USP29: variants seen among roughly 807,000 people sequenced by gnomAD.
USP29 encodes the protein ubiquitin specific peptidase 29.
For missense variants in USP29, 1,102 were observed against 1,069.0 expected, an observed-to-expected ratio of 1.03 and a Z score of -0.43; for synonymous variants, 386 against 387.4, an observed-to-expected ratio of 1.00 and a Z score of 0.04.
chr19:57,126,018 AT>A (rs1219121068), intron 3 of USP29, among the ~76,000 whole-genome samples: 8 of 152,242 alleles, frequency 5.3e-5, no homozygotes, highest in African/African-American at 1.9e-4. Context: ...TTCTTCGCTT[AT>A]GAAGCTTAGT....
At chr19:57,119,412 C>T (rs2086780895), upstream of USP29, among the ~76,000 whole-genome samples, 2 of 152,038 alleles carry the variant, frequency 1.3e-5, no homozygotes, top group Admixed American at 1.3e-4. Context: ...GGAGGATGAC[C>T]GCTTTTTTGG....
In USP29 at chr19:57,130,610, T is replaced by G; in HGVS notation, c.1935T>G (p.Leu645=). ...FRDRAIGEKE[L]PVADSLMDQG... The stretch of plus-strand genomic sequence containing the variant: ...ATAGGGCAATCGGTGAAAAGGAGCT[T>G]CCAGTGGCTGACTCACTGATGGACC... Residue 645 remains leucine, a synonymous_variant, in exon 4 of 4, where the codon CTT becomes CTG. Transcript: ENST00000254181. 6.2e-7 allele frequency: 1 copy of G among 1,614,124 alleles called. No individual in the cohort carries two copies. The highest frequency in any genetic ancestry group is 8.5e-7 in the Non-Finnish European group (1 of 1,180,024).
chr19:57,119,797 G>C (rs1329091876), upstream of USP29, among the ~76,000 whole-genome samples: 1 of 152,104 alleles, frequency 6.6e-6, no homozygotes, highest in Admixed American at 6.5e-5. Flanking sequence ...CTCGCTTGAG[G>C]CTGAATGGGT....
chr19:57,129,667 C>G lies in USP29; in HGVS notation c.992C>G (p.Thr331Ser). The change falls in exon 4 of 4, where the codon ACC (threonine) becomes AGC (serine). Residue 331 changes from threonine to serine, a missense_variant. By Grantham distance (58) the Thr-to-Ser change is moderately conservative. Transcript: ENST00000254181. ...EYIPFEALIM[T>S]LTQLLALKDF... ...ATTCCCTTTGAGGCTCTTATTATGA[C>G]CTTGACCCAGCTGCTTGCTTTGAAA... is the stretch of plus-strand genomic sequence containing the variant. 1 of 1,614,150 alleles carries G rather than the reference C, an allele frequency of 6.2e-7. No individual in the cohort carries two copies. The highest frequency in any genetic ancestry group is 8.5e-7 in the Non-Finnish European group (1 of 1,180,044).
chr19:57,125,709 C>A (rs1172188780), intron 3 of USP29, among the ~76,000 whole-genome samples: 1 of 151,804 alleles, frequency 6.6e-6, no homozygotes, highest in African/African-American at 2.4e-5. Context: ...GGTCTTGACT[C>A]TTTATCCAAT....
At chr19:57,125,232 A>G (rs553085655) in intron 3 of USP29, among the ~76,000 whole-genome samples, 11 of 152,174 alleles carry the variant, frequency 7.2e-5, no homozygotes, top group Non-Finnish European at 1.2e-4. Flanking sequence ...CTGTGGTCTG[A>G]GAGCTTGTTT....
chr19:57,130,485 C>T lies in USP29; in HGVS notation c.1810C>T (p.Gln604Ter), dbSNP rs555637136. Residue 604 changes from glutamine to a stop codon, truncating the protein, a stop_gained, in exon 4 of 4, where the codon CAA becomes TAA. Transcript: ENST00000254181. LOFTEE classifies it low-confidence loss of function (END_TRUNC). ...TGAACCAGACAAGAATGCCGACCTA[C>T]AAAGATTCCAGAGAGACTGTGGAGA... ...PVEPDKNADL[Q>*]RFQRDCGDAS... The T allele has an allele frequency of 1.2e-6, 2 of 1,614,148 alleles. No individual in the cohort carries two copies. Among genetic ancestry groups the T allele is most frequent in the East Asian group, 4.5e-5 (2 of 44,878 alleles).
At chr19:57,120,785 T>A in intron 1 of USP29, among the ~76,000 whole-genome samples, 1 of 13,216 alleles carries the variant, frequency 7.6e-5, no homozygotes, top group African/African-American at 2.6e-4. Context: ...AGAGACTCCG[T>A]CTCAAAAAAA....
At chr19:57,127,567 T>A (rs1046275618) in intron 3 of USP29, among the ~76,000 whole-genome samples, 5 of 152,110 alleles carry the variant, frequency 3.3e-5, no homozygotes, top group African/African-American at 1.2e-4. Flanking sequence ...CCTCCCACCC[T>A]CCTTAGCACT....
rs1340402970 is a variant in USP29, at chr19:57,131,169, A to G, written c.2494A>G (p.Ile832Val). 1.2e-6 allele frequency: 2 copies of G among 1,614,130 alleles called. No individual in the cohort carries two copies. The highest frequency in any genetic ancestry group is 1.3e-5 in the African/African-American group (1 of 74,948). Residue 832 changes from isoleucine (I) to valine (V), a missense_variant, in exon 4 of 4, where the codon ATC becomes GTC. Transcript: ENST00000254181. ...AYRLISVVSH[I>V]GSSPNSGHYI... ...CAGACTCATCAGTGTTGTCAGCCAT[A>G]TCGGGAGCTCCCCAAATTCAGGCCA... is the stretch of plus-strand genomic sequence containing the variant.
Position 57,129,320 on chromosome 19 carries a change from T to C in USP29, c.645T>C (p.Asp215=), listed in dbSNP as rs1162633135. 1.9e-6 allele frequency: 3 copies of C among 1,613,988 alleles called. No homozygotes were observed. The change falls in exon 4 of 4, where the codon GAT becomes GAC. Residue 215 remains aspartate, a synonymous_variant. Coordinates refer to ENST00000254181, the MANE Select transcript of USP29 (RefSeq NM_020903.3). The part of the protein sequence containing the change: ...SNRKNPSSLE[D]LEKDRDLKLG... ...GGAAGAACCCATCAAGTTTAGAGGA[T>C]TTAGAAAAAGATAGAGATTTGAAAC...
upstream of USP29, among the ~76,000 whole-genome samples, chr19:57,119,881 G>A (rs567534895): frequency 6.6e-6 from 1 of 152,208 alleles, no homozygotes; most frequent in South Asian, 2.1e-4. Flanking sequence ...CCAGCTCTAG[G>A]CCAGGAACTC....
At position 57,131,703 on chromosome 19, in the gene USP29, T is replaced by C; in HGVS notation, c.*259T>C. Reference sequence around the variant, plus strand: ...TTGACGGTGGTTTTCAAAATGTTGTTCTTCAACCAGCAACAGCAACAGCTA... The same window carrying C: ...TTGACGGTGGTTTTCAAAATGTTGTCCTTCAACCAGCAACAGCAACAGCTA... On this transcript the variant is annotated 3_prime_UTR_variant, in exon 4 of 4. Transcript: ENST00000254181. 4.2e-6 allele frequency: 2 copies of C among 479,578 alleles called. No individual in the cohort carries two copies. Among genetic ancestry groups the C allele is most frequent in the Non-Finnish European group, 7.2e-6 (2 of 278,868 alleles). The allele number at this position is 479,578 out of a possible 1,614,324, so 29.7% of individuals were successfully genotyped here. A position where few individuals can be genotyped will look rare whatever the true frequency, so the allele number is the denominator to read the frequency against.
At chr19:57,119,370 C>G (rs1398537505), upstream of USP29, 1 of 152,312 alleles carries the variant, frequency 6.6e-6, no homozygotes, top group African/African-American at 2.4e-5. Context: ...TTTTAAGTCT[C>G]TTCCGCACCC....
upstream of USP29, among the ~76,000 whole-genome samples, chr19:57,119,822 G>A (rs903582087): frequency 6.6e-6 from 1 of 152,116 alleles, no homozygotes; most frequent in Non-Finnish European, 1.5e-5. Context: ...GGATGAACCC[G>A]CCCCTGGGCT....
At chr19:57,122,573 T>C (rs939784730) in intron 2 of USP29, 99 bp downstream of exon 2, 9 of 127,904 alleles carry the variant, frequency 7.0e-5, no homozygotes, top group Admixed American at 2.4e-4. Context: ...GTGTGAGTGT[T>C]GGAAGGAGGG....
intron 3 of USP29, among the ~76,000 whole-genome samples, chr19:57,125,475 T>C (rs1171193026): frequency 6.6e-6 from 1 of 152,094 alleles, no homozygotes; most frequent in Non-Finnish European, 1.5e-5. Context: ...ATATTTAAGA[T>C]AGTTAGCTAT....
rs1173942136 is a variant in USP29, at chr19:57,130,226, C to T, written c.1551C>T (p.Asn517=). 3 of 1,614,130 alleles carry T rather than the reference C, an allele frequency of 1.9e-6. No homozygotes were observed. Among genetic ancestry groups the T allele is most frequent in the Non-Finnish European group, 2.5e-6 (3 of 1,180,020 alleles). The change falls in exon 4 of 4, where the codon AAC becomes AAT. Residue 517 remains asparagine, a synonymous_variant. Transcript: ENST00000254181. ...TTCATCTGAAACGCTATAGCTTCAA[C>T]AATGCTTGGTTGCTGGTGAAGAATA... ...LIIHLKRYSF[N]NAWLLVKNNE...
Position 57,130,198 on chromosome 19 carries a change from T to C in USP29, c.1523T>C (p.Ile508Thr), listed in dbSNP as rs145552693. 2 of 1,614,096 alleles carry C rather than the reference T, an allele frequency of 1.2e-6. No homozygotes were observed. Among genetic ancestry groups the C allele is most frequent in the Non-Finnish European group, 1.7e-6 (2 of 1,180,008 alleles). ...TTTAGTAGGCTCTCCAGGGTCCTTA[T>C]CATTCATCTGAAACGCTATAGCTTC... ...HTFSRLSRVLIIHLKRYSFNN... is the reference protein window; with the variant it reads ...HTFSRLSRVLTIHLKRYSFNN... Residue 508 changes from isoleucine (I) to threonine (T), a missense_variant, in exon 4 of 4, where the codon ATC (isoleucine) becomes ACC (threonine). Physicochemically the swap from Ile to Thr is moderately conservative, Grantham distance 89. Coordinates refer to ENST00000254181, the MANE Select transcript of USP29 (RefSeq NM_020903.3).
Sources: allele counts gnomAD v4.1 joint callset (sites outside exome capture counted in the v4.1 genomes callset), GRCh38; gene constraint gnomAD v4.1.1; transcripts MANE v1.5; gene names NCBI Gene and HGNC (gene_info 2026-07-23, HGNC 2026-07-21).